ZNF536: variants seen among roughly 807,000 people sequenced by gnomAD.
The protein encoded by ZNF536 is zinc finger protein 536.
Under a neutral mutation model 84.5 loss-of-function variants are expected in ZNF536, and 13 were observed. That is an observed-to-expected ratio of 0.15 (90% CI 0.10 to 0.24). The LOEUF is 0.24. ZNF536 is among the 10% of genes least tolerant of loss of function. The probability of loss-of-function intolerance (pLI) is 1.00; values close to 1 mark genes in which losing one functional copy is unlikely to be tolerated. For synonymous variants in ZNF536, 811 were observed against 742.5 expected, an observed-to-expected ratio of 1.09 and a Z score of -1.50; for missense variants, 1,536 against 1,747.5, an observed-to-expected ratio of 0.88 and a Z score of 2.16.
chr19:30,365,462 T>G (rs573887013), intron 3 of ZNF536, among the ~76,000 whole-genome samples: 1 of 152,340 alleles, frequency 6.6e-6, no homozygotes, highest in East Asian at 1.9e-4. Flanking sequence ...TCTAGGAGTA[T>G]TTCCTGCTTC....
intron 2 of ZNF536, among the ~76,000 whole-genome samples, chr19:30,288,089 C>T (rs1377313035): frequency 6.6e-6 from 1 of 152,184 alleles, no homozygotes; most frequent in Non-Finnish European, 1.5e-5. Context: ...GAAAACCACC[C>T]TGTTATAAAA....
chr19:30,348,892 A>G (rs1304068888), intron 2 of ZNF536, among the ~76,000 whole-genome samples: 3 of 151,752 alleles, frequency 2.0e-5, no homozygotes, highest in African/African-American at 7.3e-5. Context: ...ACAGGTTGAG[A>G]ACCCATATTT....
chr19:30,328,903 T>C (rs941704146), intron 2 of ZNF536, among the ~76,000 whole-genome samples: 1 of 152,228 alleles, frequency 6.6e-6, no homozygotes, highest in Non-Finnish European at 1.5e-5. Flanking sequence ...TCTCGATTTC[T>C]CTCTCTCACT....
chr19:30,462,434 A>C (rs915315609), intron 2 of ZNF536, among the ~76,000 whole-genome samples: 7 of 151,544 alleles, frequency 4.6e-5, no homozygotes, highest in Non-Finnish European at 1.0e-4. Context: ...TTAATTTTTC[A>C]GGTGTAGGTA....
chr19:30,677,473 G>T (rs1448872535), intron 1 of ZNF536, among the ~76,000 whole-genome samples: 2 of 152,188 alleles, frequency 1.3e-5, no homozygotes, highest in African/African-American at 4.8e-5. Flanking sequence ...TGGGGCTGTG[G>T]CCAAGGCACT....
At chr19:30,660,688 T>C (rs1434195910) in intron 1 of ZNF536, among the ~76,000 whole-genome samples, 1 of 152,236 alleles carries the variant, frequency 6.6e-6, no homozygotes, top group African/African-American at 2.4e-5. Flanking sequence ...TTTTTGAAGC[T>C]TCAGCTTTAA....
chr19:30,365,825 T>C (rs1401337992), intron 3 of ZNF536, among the ~76,000 whole-genome samples: 3 of 152,216 alleles, frequency 2.0e-5, no homozygotes, highest in African/African-American at 7.2e-5. Context: ...ACATATTATA[T>C]TTAGCTTTGT....
intron 4 of ZNF536, among the ~76,000 whole-genome samples, chr19:30,553,492 G>A (rs1303923972): frequency 6.6e-6 from 1 of 152,230 alleles, no homozygotes; most frequent in East Asian, 1.9e-4. Flanking sequence ...TGTGTGCCAG[G>A]TCTCCCAGTC....
intron 2 of ZNF536, among the ~76,000 whole-genome samples, chr19:30,325,896 T>C (rs1290587062): frequency 6.6e-6 from 1 of 152,120 alleles, no homozygotes; most frequent in African/African-American, 2.4e-5. Context: ...TCGCCTCTCC[T>C]CTAACTGTGA....
chr19:30,658,368 G>A (rs2049996282), intron 1 of ZNF536, among the ~76,000 whole-genome samples: 1 of 152,072 alleles, frequency 6.6e-6, no homozygotes. Context: ...CAGCCACAAT[G>A]CCCAGAGTGA....
intron 2 of ZNF536, among the ~76,000 whole-genome samples, chr19:30,498,748 G>T (rs1344748940): frequency 2.0e-5 from 3 of 152,158 alleles, no homozygotes; most frequent in Non-Finnish European, 4.4e-5. Context: ...GGTCCTTGTT[G>T]TCTGGGTGAG....
intron 1 of ZNF536, among the ~76,000 whole-genome samples, chr19:30,677,827 T>G (rs1025952207): frequency 1.3e-5 from 2 of 151,964 alleles, no homozygotes; most frequent in African/African-American, 4.8e-5. Flanking sequence ...CCCCTCTGAT[T>G]TGGGGGGACT....
chr19:30,711,557 T>C (rs892206567), exon 2 of ZNF536: 4 of 152,166 alleles, frequency 2.6e-5, no homozygotes, highest in Non-Finnish European at 5.9e-5. Flanking sequence ...ACTGCACTCT[T>C]GGAGAAACCT....
At position 30,549,351 on chromosome 19, in the gene ZNF536, C is replaced by T. The variant is rs2045685729; in HGVS notation, c.3732C>T (p.Pro1244=). The change falls in exon 4 of 5, where the codon CCC becomes CCT. Residue 1244 remains proline (P), a synonymous_variant. Coordinates refer to ENST00000355537, the MANE Select transcript of ZNF536 (RefSeq NM_014717.3). The stretch of plus-strand genomic sequence containing the variant: ...AGGGTCTTCTCCAAGCCCAGGACCC[C>T]TTGGCGGGCCTGCCAAAGCCGGAGC... ...HSQGLLQAQD[P]LAGLPKPERG... The T allele has an allele frequency of 1.9e-6, 3 of 1,603,440 alleles. No individual in the cohort carries two copies. The highest frequency in any genetic ancestry group is 2.6e-6 in the Non-Finnish European group (3 of 1,174,504).
intron 1 of ZNF536, among the ~76,000 whole-genome samples, chr19:30,662,962 CTTTTTTTTTT>C (rs951081577): frequency 1.0e-4 from 8 of 78,756 alleles, no homozygotes; most frequent in Admixed American, 2.7e-4. Flanking sequence ...TTTTTCGTTT[CTTTTTTTTTT>C]TTTTTTTTTT....
intron 2 of ZNF536, among the ~76,000 whole-genome samples, chr19:30,315,401 G>T (rs2046645602): frequency 6.6e-6 from 1 of 152,130 alleles, no homozygotes; most frequent in Non-Finnish European, 1.5e-5. Context: ...TTGAGTCAGA[G>T]TTTTATATGC....
intron 1 of ZNF536, among the ~76,000 whole-genome samples, chr19:30,415,990 T>C (rs2050715370): frequency 6.6e-6 from 1 of 152,224 alleles, no homozygotes; most frequent in Admixed American, 6.5e-5. Context: ...CTTTGGATTG[T>C]ATCTGCATGT....
At chr19:30,459,371 G>A (rs993182810) in intron 2 of ZNF536, among the ~76,000 whole-genome samples, 23 of 21,424 alleles carry the variant, frequency 1.1e-3, no homozygotes, top group Non-Finnish European at 1.6e-3. Context: ...TTTTTTTTTT[G>A]ATGGAGTCTC....
At chr19:30,661,367 C>T (rs142538483) in intron 1 of ZNF536, among the ~76,000 whole-genome samples, 1 of 152,238 alleles carries the variant, frequency 6.6e-6, no homozygotes, top group African/African-American at 2.4e-5. Context: ...TCAGCAGATG[C>T]AATGCAATGT....
Sources: gnomAD v4.1 joint callset for allele counts (sites outside exome capture counted in the v4.1 genomes callset) on GRCh38, gnomAD v4.1.1 for gene constraint, MANE v1.5 for transcripts, NCBI Gene and HGNC (gene_info 2026-07-23, HGNC 2026-07-21) for gene names.